The following GSG1L variants were observed in gnomAD, a reference collection of about 807,000 sequenced individuals.
GSG1L encodes germ cell-specific gene 1-like protein.
GSG1L carries 24 observed loss-of-function variants against 42.1 expected under a neutral mutation model. The observed-to-expected ratio is 0.57, with a 90% CI of 0.41 to 0.80. The LOEUF is 0.80. GSG1L is among the 30% of genes least tolerant of loss of function. The probability of loss-of-function intolerance (pLI) is 0.00; values close to 1 mark genes in which losing one functional copy is unlikely to be tolerated. For synonymous variants in GSG1L, 215 were observed against 203.5 expected, an observed-to-expected ratio of 1.06 and a Z score of -0.48; for missense variants, 445 against 472.2, an observed-to-expected ratio of 0.94 and a Z score of 0.53.
At chr16:27,820,968 G>T (rs1037292941) in intron 5 of GSG1L, among the ~76,000 whole-genome samples, 4 of 152,170 alleles carry the variant, frequency 2.6e-5, no homozygotes, top group African/African-American at 9.6e-5. Flanking sequence ...TGCTTGTTCT[G>T]TTCCCCGTGC....
chr16:27,973,599 C>A (rs2085218409), intron 1 of GSG1L, among the ~76,000 whole-genome samples: 1 of 152,116 alleles, frequency 6.6e-6, no homozygotes, highest in African/African-American at 2.4e-5. Flanking sequence ...CCATCACAGA[C>A]TAGCACATGG....
At chr16:27,799,371 A>C (rs926679208) in intron 6 of GSG1L, among the ~76,000 whole-genome samples, 1 of 151,924 alleles carries the variant, frequency 6.6e-6, no homozygotes, top group Non-Finnish European at 1.5e-5. Flanking sequence ...CCATCTCTAC[A>C]AAAAAAATTG....
rs553893081 is a variant in GSG1L at position 27,813,842 on chromosome 16, A to T, written c.831-6288T>A. ...GACCTTGGGCCCTGGAGTGAGGAGG[A>T]ATCATGGTTGAGCTCAGCTCTGCGA... On this transcript the variant is annotated intron_variant, in intron 5 of 6. Transcript: ENST00000447459. Among the ~76,000 whole-genome samples the T allele has an allele frequency of 2.6e-5, 4 of 152,298 alleles. No homozygotes were observed. The South Asian group carries it at 8.3e-4, about 32-fold the overall frequency.
chr16:27,810,163 C>T (rs771256675), intron 5 of GSG1L, among the ~76,000 whole-genome samples: 7 of 152,190 alleles, frequency 4.6e-5, no homozygotes, highest in Non-Finnish European at 1.0e-4. Context: ...GTAGGGAAGA[C>T]AAGCTTGCAC....
intron 3 of GSG1L, among the ~76,000 whole-genome samples, chr16:27,859,131 A>G (rs929810125): frequency 6.6e-6 from 1 of 152,148 alleles, no homozygotes; most frequent in Non-Finnish European, 1.5e-5. Context: ...TGGGAGGGGT[A>G]GGAGTGACAC....
chr16:27,868,696 C>T (rs966992635), intron 3 of GSG1L, among the ~76,000 whole-genome samples: 1 of 151,908 alleles, frequency 6.6e-6, no homozygotes, highest in Non-Finnish European at 1.5e-5. Context: ...AAATCAGAAA[C>T]GCAACACTGG....
At chr16:27,979,687 G>GAGAGAAGGAAGGAAGGA (rs2085296682) in intron 1 of GSG1L, among the ~76,000 whole-genome samples, 1 of 24,648 alleles carries the variant, frequency 4.1e-5, no homozygotes. Context: ...GAGAAAGAAA[G>GAGAGAAGGAAGGAAGGA]AAGGAAGGAA....
chr16:27,814,728 G>A (rs1375302269), intron 5 of GSG1L, among the ~76,000 whole-genome samples: 1 of 151,230 alleles, frequency 6.6e-6, no homozygotes, highest in Non-Finnish European at 1.5e-5. Flanking sequence ...GAGGGAAGGA[G>A]GAAGGGAGGT....
At chr16:27,885,728 G>C (rs1293305902) in intron 2 of GSG1L, among the ~76,000 whole-genome samples, 1 of 152,190 alleles carries the variant, frequency 6.6e-6, no homozygotes, top group Non-Finnish European at 1.5e-5. Context: ...AGTAGACCAG[G>C]AAAGAGCAGT....
At chr16:27,928,887 C>T (rs935939332) in intron 2 of GSG1L, among the ~76,000 whole-genome samples, 4 of 152,230 alleles carry the variant, frequency 2.6e-5, no homozygotes, top group Non-Finnish European at 5.9e-5. Flanking sequence ...TTGCTTCCCT[C>T]CTTACAAACT....
chr16:27,965,912 T>C (rs1422907824), intron 1 of GSG1L, among the ~76,000 whole-genome samples: 1 of 152,138 alleles, frequency 6.6e-6, no homozygotes, highest in African/African-American at 2.4e-5. Context: ...AGAGCCTAAG[T>C]CCTCGCTGTG....
chr16:28,000,606 C>A (rs2085570045), intron 1 of GSG1L, among the ~76,000 whole-genome samples: 1 of 152,134 alleles, frequency 6.6e-6, no homozygotes, highest in Non-Finnish European at 1.5e-5. Context: ...GAAATGAAAT[C>A]TATTTTTTTA....
chr16:27,898,520 G>A (rs192076268), intron 2 of GSG1L, among the ~76,000 whole-genome samples: 33 of 151,630 alleles, frequency 2.2e-4, no homozygotes, highest in African/African-American at 8.0e-4. Context: ...TTTGTTTACT[G>A]TTTGCTTTGT....
intron 5 of GSG1L, among the ~76,000 whole-genome samples, chr16:27,811,200 T>G (rs945775838): frequency 6.6e-6 from 1 of 152,202 alleles, no homozygotes; most frequent in Non-Finnish European, 1.5e-5. Flanking sequence ...ATTAAACATA[T>G]TTTTGAAACT....
intron 6 of GSG1L, among the ~76,000 whole-genome samples, chr16:27,800,295 A>G (rs1361965809): frequency 6.6e-6 from 1 of 152,202 alleles, no homozygotes; most frequent in Non-Finnish European, 1.5e-5. Flanking sequence ...TTCTTTCTTG[A>G]AATTCCCTCT....
chr16:27,933,655 A>G (rs866444683), intron 2 of GSG1L, among the ~76,000 whole-genome samples: 37 of 151,012 alleles, frequency 2.5e-4, no homozygotes, highest in Middle Eastern at 3.4e-3. Flanking sequence ...TCACAAAAAA[A>G]AAAAAAAAAA....
At chr16:27,969,807 T>G (rs2085173432) in intron 1 of GSG1L, among the ~76,000 whole-genome samples, 1 of 152,264 alleles carries the variant, frequency 6.6e-6, no homozygotes, top group South Asian at 2.1e-4. Flanking sequence ...AGATGCATCA[T>G]TCTATGTTCC....
chr16:28,001,603 T>G (rs1357269984), intron 1 of GSG1L, among the ~76,000 whole-genome samples: 4 of 152,118 alleles, frequency 2.6e-5, no homozygotes, highest in Admixed American at 6.5e-5. Context: ...ACAGGGCTTG[T>G]TTTTAGACCA....
intron 1 of GSG1L, among the ~76,000 whole-genome samples, chr16:28,018,218 C>T (rs79924535): frequency 0.053 from 8,112 of 152,196 alleles, 302 homozygotes; most frequent in East Asian, 0.12. Context: ...GTAATAAAAA[C>T]CTAACAGTGG....
Sources: gnomAD v4.1 joint callset for allele counts (sites outside exome capture counted in the v4.1 genomes callset) on GRCh38, gnomAD v4.1.1 for gene constraint, MANE v1.5 for transcripts, NCBI Gene and HGNC (gene_info 2026-07-23, HGNC 2026-07-21) for gene names.